The following ALG10B variants were observed in gnomAD, a reference collection of about 807,000 sequenced individuals.
ALG10B encodes the protein ALG10 alpha-1,2-glucosyltransferase B.
In ALG10B, 27 loss-of-function variants were observed where a neutral mutation model predicts 38.7. That is an observed-to-expected ratio of 0.70 (90% CI 0.51 to 0.96). The LOEUF (loss-of-function observed/expected upper bound fraction) is 0.96, where lower values mean the gene tolerates loss of function less well. ALG10B is among the 40% of genes least tolerant of loss of function. The probability of loss-of-function intolerance (pLI) is 0.00; values close to 1 mark genes in which losing one functional copy is unlikely to be tolerated. For synonymous variants in ALG10B, 177 were observed against 193.3 expected, an observed-to-expected ratio of 0.92 and a Z score of 0.70; for missense variants, 522 against 542.7, an observed-to-expected ratio of 0.96 and a Z score of 0.38.
rs1945769556 is a variant in ALG10B, at chr12:38,328,909, C to T, written c.*7696C>T. ...TGATTTACCCATGTTAGTCTCATAACAACTCTATGAGATCAGTACCGTACA... is the reference window on the plus strand; with the variant it reads ...TGATTTACCCATGTTAGTCTCATAATAACTCTATGAGATCAGTACCGTACA... On this transcript the variant is annotated 3_prime_UTR_variant, in exon 3 of 3. Coordinates refer to ENST00000308742, the MANE Select transcript of ALG10B (RefSeq NM_001013620.4). The T allele has an allele frequency of 3.4e-6, 1 of 296,170 alleles. No homozygotes were observed. The highest frequency in any genetic ancestry group is 6.2e-6 in the Non-Finnish European group (1 of 162,248). 18.3% of individuals were successfully genotyped at this position (296,170 alleles called of 1,614,324 possible).
rs1945751453 is a variant in ALG10B, at chr12:38,327,121, CCTTT to C, written c.*5909_*5912del. The C allele has an allele frequency of 4.9e-5, 1 of 20,294 alleles. No individual in the cohort carries two copies. The highest frequency in any genetic ancestry group is 9.2e-5 in the African/African-American group (1 of 10,846). 1.3% of individuals were successfully genotyped at this position (20,294 alleles called of 1,614,324 possible). ...GTGTGTGTGTATACATATAATTTCTCCTTTTTTTTTTTTGTAAGAATTGAGACAG... is the reference window on the plus strand; with the variant it reads ...GTGTGTGTGTATACATATAATTTCTCTTTTTTTTTGTAAGAATTGAGACAG... On this transcript the variant is annotated 3_prime_UTR_variant, in exon 3 of 3. Transcript: ENST00000308742.
At position 38,327,984 on chromosome 12, in the gene ALG10B, A is replaced by C. The variant is rs1215986538; in HGVS notation, c.*6771A>C. 1 of 152,164 alleles carries C rather than the reference A, an allele frequency of 6.6e-6. No homozygotes were observed. The highest frequency in any genetic ancestry group is 2.4e-5 in the African/African-American group (1 of 41,450). The allele number at this position is 152,164 out of a possible 1,614,324, so 9.4% of individuals were successfully genotyped here. A position where few individuals can be genotyped will look rare whatever the true frequency, so the allele number is the denominator to read the frequency against. On this transcript the variant is annotated 3_prime_UTR_variant, in exon 3 of 3. Transcript: ENST00000308742. The stretch of plus-strand genomic sequence containing the variant: ...ATCAGAGGTCAACAATTAGATTGCA[A>C]ATCATGAAAAGCATAACTTCTAATT...
Position 38,318,365 on chromosome 12 carries a change from C to T in ALG10B, c.276C>T (p.Ser92=). Residue 92 remains serine, a synonymous_variant, in exon 2 of 3, where the codon TCC becomes TCT. Coordinates refer to ENST00000308742, the MANE Select transcript of ALG10B (RefSeq NM_001013620.4). ...IFAWSEHVVC[S]IGMLRFVNLL... is the part of the protein sequence containing the mutation. ...CATGGTCTGAACATGTTGTCTGCTC[C>T]ATTGGGATGCTCAGATTTGTTAATC... 6.2e-7 allele frequency: 1 copy of T among 1,614,100 alleles called. No individual in the cohort carries two copies. The highest frequency in any genetic ancestry group is 8.5e-7 in the Non-Finnish European group (1 of 1,179,986).
chr12:38,318,848 C>T lies in ALG10B; in HGVS notation c.369+390C>T, dbSNP rs932727339. ...TTTGATGTGGTAATAGTGCAGGCCC[C>T]GGAGGTCGATTGCCTGGGTTAGAAT... On this transcript the variant is annotated intron_variant, in intron 2 of 2. Transcript: ENST00000308742. 7.9e-5 allele frequency among the ~76,000 whole-genome samples: 12 copies of T among 152,228 alleles called. No homozygotes were observed. In the East Asian group the frequency reaches 9.7e-4, roughly 12 times the overall value.
Position 38,323,785 on chromosome 12 carries a change from T to C in ALG10B, c.*2572T>C. Reference sequence around the variant, plus strand: ...GATGAGAGAGGACACTCAAAGAAATTATACTTTTGTCATTAATTTACTATA... The same window carrying C: ...GATGAGAGAGGACACTCAAAGAAATCATACTTTTGTCATTAATTTACTATA... On this transcript the variant is annotated 3_prime_UTR_variant, in exon 3 of 3. Transcript: ENST00000308742. 1.5e-6 allele frequency: 1 copy of C among 648,716 alleles called. No individual in the cohort carries two copies. The allele number at this position is 648,716 out of a possible 1,614,324, so 40.2% of individuals were successfully genotyped here. A position where few individuals can be genotyped will look rare whatever the true frequency, so the allele number is the denominator to read the frequency against.
Position 38,321,166 on chromosome 12 carries a change from A to T in ALG10B, c.1375A>T (p.Thr459Ser). 1 of 1,612,586 alleles carries T rather than the reference A, an allele frequency of 6.2e-7. No individual in the cohort carries two copies. The highest frequency in any genetic ancestry group is 1.1e-5 in the South Asian group (1 of 90,622). ...AACTTTTTACATCTTTCTGAACAAG[A>T]CTTTTCAGTGGCCAAATAGTCAGGA... ...FITFYIFLNK[T>S]FQWPNSQDIQ... Residue 459 changes from threonine to serine, a missense_variant, in exon 3 of 3, where the codon ACT becomes TCT. Coordinates refer to ENST00000308742, the MANE Select transcript of ALG10B (RefSeq NM_001013620.4).
Position 38,324,187 on chromosome 12 carries a change from C to A in ALG10B, c.*2974C>A, listed in dbSNP as rs550986973. 7.4e-6 allele frequency: 3 copies of A among 403,780 alleles called. No homozygotes were observed. Among genetic ancestry groups the A allele is most frequent in the Non-Finnish European group, 1.3e-5 (3 of 225,654 alleles). The allele number at this position is 403,780 out of a possible 1,614,324, so 25.0% of individuals were successfully genotyped here. ...AGCTGAGATTATAGGCGCCCACCACCAAGCCTGGCTAATTTTTTCTATTTT... is the reference window on the plus strand; with the variant it reads ...AGCTGAGATTATAGGCGCCCACCACAAAGCCTGGCTAATTTTTTCTATTTT... On this transcript the variant is annotated 3_prime_UTR_variant, in exon 3 of 3. Coordinates refer to ENST00000308742, the MANE Select transcript of ALG10B (RefSeq NM_001013620.4).
At position 38,323,177 on chromosome 12, in the gene ALG10B, T is replaced by C. The variant is rs2120504443; in HGVS notation, c.*1964T>C. The C allele has an allele frequency of 6.6e-6, 1 of 152,250 alleles. No homozygotes were observed. Among genetic ancestry groups the C allele is most frequent in the South Asian group, 2.1e-4 (1 of 4,826 alleles). The allele number at this position is 152,250 out of a possible 1,614,324, so 9.4% of individuals were successfully genotyped here. ...AATATCTTAGCTGATACCTTTTAAA[T>C]AACTCTCAGTATCTTTACTGAGAGG... On this transcript the variant is annotated 3_prime_UTR_variant, in exon 3 of 3. Transcript: ENST00000308742.
chr12:38,318,083 C>G, intron 1 of ALG10B, 178 bp from the exon 2 acceptor site: 2 of 743,396 alleles, frequency 2.7e-6, no homozygotes, highest in South Asian at 3.4e-5. Flanking sequence ...TAAGCTGGTC[C>G]GGGGGCAAAA....
rs889901357 is a variant in ALG10B, at chr12:38,326,125, C to T, written c.*4912C>T. The T allele has an allele frequency of 6.6e-5, 10 of 152,044 alleles. No homozygotes were observed. Among genetic ancestry groups the T allele is most frequent in the African/African-American group, 2.4e-4 (10 of 41,442 alleles). 9.4% of individuals were successfully genotyped at this position (152,044 alleles called of 1,614,324 possible). A position where few individuals can be genotyped will look rare whatever the true frequency, so the allele number is the denominator to read the frequency against. On this transcript the variant is annotated 3_prime_UTR_variant, in exon 3 of 3. Transcript: ENST00000308742. Reference sequence around the variant, plus strand: ...AGGATGGCTTTGAATGCGGCCCCAACACAAATTTTGTAAGCTTTCTTAAAA... The same window carrying T: ...AGGATGGCTTTGAATGCGGCCCCAATACAAATTTTGTAAGCTTTCTTAAAA...
intron 1 of ALG10B, 45 bp from the exon 2 acceptor site, chr12:38,318,216 T>C: frequency 6.2e-7 from 1 of 1,609,292 alleles, no homozygotes; most frequent in Non-Finnish European, 8.5e-7. Context: ...GTCTGTCTTG[T>C]TCGTATTACC....
At position 38,317,014 on chromosome 12, in the gene ALG10B, C is replaced by A; in HGVS notation, c.121C>A (p.His41Asn). 3 of 1,614,150 alleles carry A rather than the reference C, an allele frequency of 1.9e-6. No individual in the cohort carries two copies. The African/African-American group carries it at 4.0e-5, about 22-fold the overall frequency. The change falls in exon 1 of 3, where the codon CAC becomes AAC. Residue 41 changes from histidine to asparagine, a missense_variant. Transcript: ENST00000308742. ...AGAGCCCTACATGGACGAGATCTTCCACCTGCCTCAGGCGCAGCGCTACTG... is the reference window on the plus strand; with the variant it reads ...AGAGCCCTACATGGACGAGATCTTCAACCTGCCTCAGGCGCAGCGCTACTG... ...LREPYMDEIF[H>N]LPQAQRYCEG...
chr12:38,323,779 A>G lies in ALG10B; in HGVS notation c.*2566A>G, dbSNP rs1261245228. On this transcript the variant is annotated 3_prime_UTR_variant, in exon 3 of 3. Coordinates refer to ENST00000308742, the MANE Select transcript of ALG10B (RefSeq NM_001013620.4). Reference sequence around the variant, plus strand: ...AAATTAGATGAGAGAGGACACTCAAAGAAATTATACTTTTGTCATTAATTT... The same window carrying G: ...AAATTAGATGAGAGAGGACACTCAAGGAAATTATACTTTTGTCATTAATTT... 7.8e-6 allele frequency: 5 copies of G among 641,564 alleles called. No homozygotes were observed. The Admixed American group carries it at 1.3e-4, about 17-fold the overall frequency. The allele number at this position is 641,564 out of a possible 1,614,324, so 39.7% of individuals were successfully genotyped here. A position where few individuals can be genotyped will look rare whatever the true frequency, so the allele number is the denominator to read the frequency against.
Position 38,323,896 on chromosome 12 carries a change from A to C in ALG10B, c.*2683A>C, listed in dbSNP as rs1487370474. ...ACTTTTTGTCTGATAATATTAATGCAAGGATTTTGTATTTAGGAATACTTC... is the reference window on the plus strand; with the variant it reads ...ACTTTTTGTCTGATAATATTAATGCCAGGATTTTGTATTTAGGAATACTTC... On this transcript the variant is annotated 3_prime_UTR_variant, in exon 3 of 3. Transcript: ENST00000308742. 4.3e-6 allele frequency: 3 copies of C among 701,742 alleles called. No homozygotes were observed. The highest frequency in any genetic ancestry group is 1.7e-5 in the African/African-American group (1 of 57,220). The allele number at this position is 701,742 out of a possible 1,614,324, so 43.5% of individuals were successfully genotyped here.
chr12:38,318,085 G>T, intron 1 of ALG10B, 176 bp from the exon 2 acceptor site: 1 of 763,356 alleles, frequency 1.3e-6, no homozygotes, highest in Non-Finnish European at 2.2e-6. Context: ...AGCTGGTCCG[G>T]GGGCAAAAAA....
rs527322051 is a variant in ALG10B at position 38,321,346 on chromosome 12, A to G, written c.*133A>G. On this transcript the variant is annotated 3_prime_UTR_variant, in exon 3 of 3. Transcript: ENST00000308742. ...GTCCTCAAATTACATTAGTTTTTTT[A>G]ATATATATTTTAAACATATGTAAGA... 1 of 900,128 alleles carries G rather than the reference A, an allele frequency of 1.1e-6. No individual in the cohort carries two copies. Among genetic ancestry groups the G allele is most frequent in the African/African-American group, 1.7e-5 (1 of 58,634 alleles). The allele number at this position is 900,128 out of a possible 1,614,324, so 55.8% of individuals were successfully genotyped here.
rs1565605130 is a variant in ALG10B at position 38,322,697 on chromosome 12, T to C, written c.*1484T>C. On this transcript the variant is annotated 3_prime_UTR_variant, in exon 3 of 3. Transcript: ENST00000308742. The stretch of plus-strand genomic sequence containing the variant: ...TGTATTCACCATGTTGTGTAATAGA[T>C]CTAAAAAAAGTCAAACATATTCCTT... 1 of 152,152 alleles carries C rather than the reference T, an allele frequency of 6.6e-6. No homozygotes were observed. The highest frequency in any genetic ancestry group is 1.5e-5 in the Non-Finnish European group (1 of 68,014). 9.4% of individuals were successfully genotyped at this position (152,152 alleles called of 1,614,324 possible). A position where few individuals can be genotyped will look rare whatever the true frequency, so the allele number is the denominator to read the frequency against.
At position 38,320,756 on chromosome 12, in the gene ALG10B, A is replaced by G. The variant is rs748006165; in HGVS notation, c.965A>G (p.His322Arg). 6.2e-7 allele frequency: 1 copy of G among 1,613,774 alleles called. No homozygotes were observed. The highest frequency in any genetic ancestry group is 1.3e-5 in the African/African-American group (1 of 74,940). The change falls in exon 3 of 3, where the codon CAT (histidine) becomes CGT (arginine). Residue 322 changes from histidine (H) to arginine (R), a missense_variant. Coordinates refer to ENST00000308742, the MANE Select transcript of ALG10B (RefSeq NM_001013620.4). ...ACTTTTCTTTCCTTAGTTTGGAAAC[A>G]TGGAATTCTGTTTTTGGTGGTTACC... Reference protein sequence around the residue: ...IKTFLSLVWKHGILFLVVTLV... With the variant: ...IKTFLSLVWKRGILFLVVTLV...
rs1945722497 is a variant in ALG10B, at chr12:38,323,961, T to C, written c.*2748T>C. The C allele has an allele frequency of 2.9e-6, 2 of 701,186 alleles. No homozygotes were observed. Among genetic ancestry groups the C allele is most frequent in the Non-Finnish European group, 2.6e-6 (1 of 384,560 alleles). The allele number at this position is 701,186 out of a possible 1,614,324, so 43.4% of individuals were successfully genotyped here. A position where few individuals can be genotyped will look rare whatever the true frequency, so the allele number is the denominator to read the frequency against. On this transcript the variant is annotated 3_prime_UTR_variant, in exon 3 of 3. Coordinates refer to ENST00000308742, the MANE Select transcript of ALG10B (RefSeq NM_001013620.4). ...TCCACTCTGATCTAGTCTGGCAAAATTGAGGAAAATATTCTACCCTGTAAT... is the reference window on the plus strand; with the variant it reads ...TCCACTCTGATCTAGTCTGGCAAAACTGAGGAAAATATTCTACCCTGTAAT...
Sources: gnomAD v4.1 joint callset for allele counts (sites outside exome capture counted in the v4.1 genomes callset) on GRCh38, gnomAD v4.1.1 for gene constraint, MANE v1.5 for transcripts, NCBI Gene and HGNC (gene_info 2026-07-23, HGNC 2026-07-21) for gene names.